The following PCDHGB2 variants were observed in gnomAD, a reference collection of about 807,000 sequenced individuals.
PCDHGB2 encodes protocadherin gamma-B2.
A neutral mutation model predicts 59.3 loss-of-function variants in PCDHGB2; 55 were observed. The ratio of observed to expected loss-of-function variants is 0.93; its 90% confidence interval spans 0.75 to 1.16. The LOEUF is 1.16. Ranked by LOEUF, PCDHGB2 falls within the 50% of genes most tolerant of loss-of-function variation. The probability of loss-of-function intolerance (pLI) is 0.00; values close to 1 mark genes in which losing one functional copy is unlikely to be tolerated. For missense variants in PCDHGB2, 1,228 were observed against 1,198.5 expected (o/e 1.02, Z -0.36); for synonymous variants, 516 against 512.0 (o/e 1.01, Z -0.11).
At chr5:141,398,727 A>G in intron 1 of PCDHGB2, 1 of 1,613,894 alleles carries the variant, frequency 6.2e-7, no homozygotes, top group Middle Eastern at 1.6e-4. Flanking sequence ...AGAAAACCTT[A>G]GACCGGGAAC....
At chr5:141,420,284 TA>T in intron 1 of PCDHGB2, 2 of 1,505,934 alleles carry the variant, frequency 1.3e-6, no homozygotes, top group East Asian at 2.3e-5. Context: ...GGTAAGTATT[TA>T]AAAATGTATT....
At chr5:141,421,065 A>C in intron 1 of PCDHGB2, 1 of 591,556 alleles carries the variant, frequency 1.7e-6, no homozygotes. Flanking sequence ...CACAAAGCGG[A>C]ATGAGATGGA....
chr5:141,384,708 G>T (rs1222018997), intron 1 of PCDHGB2: 3 of 1,614,116 alleles, frequency 1.9e-6, no homozygotes, highest in Non-Finnish European at 2.5e-6. Context: ...AGAACGCCTG[G>T]CTGTCATACC....
At position 141,410,845 on chromosome 5, in the gene PCDHGB2, TTGTC is replaced by T. The variant is rs1434874838; in HGVS notation, c.2421+48291_2421+48294del. 23 of 429,726 alleles carry T rather than the reference TTGTC, an allele frequency of 5.4e-5. 1 individual carries two copies. Among genetic ancestry groups the T allele is most frequent in the Admixed American group, 8.8e-5 (2 of 22,654 alleles). The allele number at this position is 429,726 out of a possible 1,614,324, so 26.6% of individuals were successfully genotyped here. A position where few individuals can be genotyped will look rare whatever the true frequency, so the allele number is the denominator to read the frequency against. Reference sequence around the variant, plus strand: ...TCACCAGACTGAAGATATTTTGTCTTTGTCTTTTTTTTTTTTTTTTTTTTTTGAG... The same window carrying T: ...TCACCAGACTGAAGATATTTTGTCTTTTTTTTTTTTTTTTTTTTTTTTGAG... On this transcript the variant is annotated intron_variant, in intron 1 of 3. Transcript: ENST00000522605.
chr5:141,399,465 G>T, intron 1 of PCDHGB2: 1 of 1,614,014 alleles, frequency 6.2e-7, no homozygotes, highest in Non-Finnish European at 8.5e-7. Context: ...ATAACGCTCC[G>T]GTTTTCCACC....
chr5:141,419,240 G>C (rs753956971), intron 1 of PCDHGB2: 1 of 1,613,980 alleles, frequency 6.2e-7, no homozygotes, highest in South Asian at 1.1e-5. Flanking sequence ...CCTGGTCCAC[G>C]TGCCAGAAAA....
chr5:141,364,467 G>T (rs776444046), intron 1 of PCDHGB2: 2 of 1,614,004 alleles, frequency 1.2e-6, no homozygotes, highest in Non-Finnish European at 1.7e-6. Context: ...TCCTTCGTCG[G>T]CAACATAGCC....
At chr5:141,434,658 T>C (rs1243599957) in intron 1 of PCDHGB2, among the ~76,000 whole-genome samples, 2 of 152,198 alleles carry the variant, frequency 1.3e-5, no homozygotes, top group African/African-American at 2.4e-5. Flanking sequence ...ATCTAATATC[T>C]ATAGAAATGA....
intron 1 of PCDHGB2, chr5:141,427,902 C>G: frequency 6.4e-7 from 1 of 1,573,742 alleles, no homozygotes; most frequent in South Asian, 1.1e-5. Flanking sequence ...CTCGCCCGCG[C>G]TCAGCGCCAA....
chr5:141,408,390 C>T (rs375719639), intron 1 of PCDHGB2: 1 of 1,613,902 alleles, frequency 6.2e-7, no homozygotes, highest in East Asian at 2.2e-5. Context: ...GATGTGTCGG[C>T]TCGCAAGCTG....
chr5:141,498,146 G>A (rs924380243), intron 2 of PCDHGB2, among the ~76,000 whole-genome samples: 1 of 152,200 alleles, frequency 6.6e-6, no homozygotes, highest in Non-Finnish European at 1.5e-5. Context: ...GGACATCCTG[G>A]AAATGAAGTT....
chr5:141,393,126 A>C (rs1216742718), intron 1 of PCDHGB2: 1 of 1,613,316 alleles, frequency 6.2e-7, no homozygotes, highest in East Asian at 2.2e-5. Context: ...GTGTCTGATA[A>C]ATATTAACAC....
intron 1 of PCDHGB2, chr5:141,382,739 G>C (rs1005950630): frequency 5.2e-6 from 3 of 573,658 alleles, no homozygotes; most frequent in Non-Finnish European, 5.9e-6. Context: ...ACAGAGAAAC[G>C]ACAGATTGCG....
chr5:141,414,781 G>T, intron 1 of PCDHGB2: 2 of 1,614,230 alleles, frequency 1.2e-6, no homozygotes, highest in Non-Finnish European at 1.7e-6. Flanking sequence ...ACAGATGCAG[G>T]TGACAGCCAG....
At position 141,360,227 on chromosome 5, in the gene PCDHGB2, T is replaced by C; in HGVS notation, c.92T>C (p.Val31Ala). The change falls in exon 1 of 4, where the codon GTC becomes GCC. Residue 31 changes from valine (V) to alanine (A), a missense_variant. Around this residue, in one of 3 missense-constraint regions of PCDHGB2, gnomAD observed 781 missense variants for 721.6 expected, o/e 1.08. Coordinates refer to ENST00000522605, the MANE Select transcript of PCDHGB2 (RefSeq NM_018923.3). Reference protein sequence around the residue: ...LLSLFPGALPVQIRYSIPEEL... With the variant: ...LLSLFPGALPAQIRYSIPEEL... Reference sequence around the variant, plus strand: ...TCTTTGTTCCCCGGGGCTCTCCCAGTCCAGATCCGCTATTCAATTCCAGAG... The same window carrying C: ...TCTTTGTTCCCCGGGGCTCTCCCAGCCCAGATCCGCTATTCAATTCCAGAG... 1 of 1,613,788 alleles carries C rather than the reference T, an allele frequency of 6.2e-7. No individual in the cohort carries two copies. The highest frequency in any genetic ancestry group is 8.5e-7 in the Non-Finnish European group (1 of 1,179,808).
At chr5:141,436,425 G>A (rs2097823674) in intron 1 of PCDHGB2, among the ~76,000 whole-genome samples, 2 of 152,268 alleles carry the variant, frequency 1.3e-5, no homozygotes, top group Non-Finnish European at 2.9e-5. Context: ...AACAAATAAT[G>A]TACTCTGGGG....
At chr5:141,376,364 G>T in intron 1 of PCDHGB2, 1 of 1,614,202 alleles carries the variant, frequency 6.2e-7, no homozygotes, top group Non-Finnish European at 8.5e-7. Flanking sequence ...CTCACTCACT[G>T]CAGACTCGCG....
intron 1 of PCDHGB2, chr5:141,372,275 C>T (rs1308117997): frequency 4.3e-6 from 7 of 1,613,024 alleles, no homozygotes; most frequent in South Asian, 2.2e-5. Context: ...GTGAGGTGCG[C>T]ACGGCGCGTA....
intron 1 of PCDHGB2, chr5:141,371,031 A>G (rs1561549182): frequency 1.2e-6 from 2 of 1,613,872 alleles, no homozygotes; most frequent in East Asian, 2.2e-5. Flanking sequence ...CCTGGTCCTC[A>G]CAGCTGTGGA....
Sources: gnomAD v4.1 joint callset for allele counts (sites outside exome capture counted in the v4.1 genomes callset) on GRCh38, gnomAD v4.1.1 for gene constraint, gnomAD v4.1.1 regional missense constraint, MANE v1.5 for transcripts, NCBI Gene and HGNC (gene_info 2026-07-23, HGNC 2026-07-21) for gene names.